The following TBC1D16 variants were observed in gnomAD, a reference collection of about 807,000 sequenced individuals.
TBC1D16 encodes the protein TBC1 domain family member 16.
In TBC1D16, 58 loss-of-function variants were observed where a neutral mutation model predicts 74.7. That is an observed-to-expected ratio of 0.78 (90% CI 0.63 to 0.97). The LOEUF is 0.97. Ranked by LOEUF, TBC1D16 falls within the 50% of genes least tolerant of loss-of-function variation. The probability of loss-of-function intolerance (pLI) is 0.00; values close to 1 mark genes in which losing one functional copy is unlikely to be tolerated. For synonymous variants in TBC1D16, 493 were observed against 474.7 expected (o/e 1.04, Z -0.50); for missense variants, 1,014 against 1,079.5 (o/e 0.94, Z 0.85).
chr17:80,017,013 G>C (rs901032154), intron 1 of TBC1D16, among the ~76,000 whole-genome samples: 2 of 152,036 alleles, frequency 1.3e-5, no homozygotes, highest in African/African-American at 2.4e-5. Flanking sequence ...CCTCAGCCTT[G>C]AGCCACAGAC....
At chr17:80,019,439 A>ACCCCC (rs71163907) in intron 1 of TBC1D16, among the ~76,000 whole-genome samples, 3 of 135,782 alleles carry the variant, frequency 2.2e-5, no homozygotes, top group African/African-American at 3.1e-5. Context: ...CACCAGGACA[A>ACCCCC]CCCCCCCCCG....
At chr17:79,965,979 G>A (rs2033823619) in intron 3 of TBC1D16, among the ~76,000 whole-genome samples, 1 of 152,210 alleles carries the variant, frequency 6.6e-6, no homozygotes, top group Admixed American at 6.5e-5. Context: ...CACCACAGCT[G>A]CATGGCTTAA....
At chr17:79,976,283 T>A in intron 3 of TBC1D16, among the ~76,000 whole-genome samples, 1 of 152,324 alleles carries the variant, frequency 6.6e-6, no homozygotes, top group Non-Finnish European at 1.5e-5. Flanking sequence ...TCCCAGGCTG[T>A]CTCTCTTGCA....
Position 80,010,905 on chromosome 17 carries a change from A to C in TBC1D16, c.182-148T>G. The C allele has an allele frequency of 2.1e-6, 1 of 471,766 alleles. No individual in the cohort carries two copies. The highest frequency in any genetic ancestry group is 3.6e-6 in the Non-Finnish European group (1 of 274,478). 29.2% of individuals were successfully genotyped at this position (471,766 alleles called of 1,614,324 possible). On this transcript the variant is annotated intron_variant, in intron 2 of 11. Transcript: ENST00000310924. This position sits in a 1 kb window ranked among gnomAD's most constrained non-coding sequence, Gnocchi z 8.8. ...AGATACAGCCTGGCCCTGAGCAAAA[A>C]CACTAGAGGGAAACTGTGGAGCTTG... is the stretch of plus-strand genomic sequence containing the variant.
At chr17:80,032,220 G>A (rs972032640) in intron 1 of TBC1D16, among the ~76,000 whole-genome samples, 1 of 152,194 alleles carries the variant, frequency 6.6e-6, no homozygotes, top group African/African-American at 2.4e-5. Flanking sequence ...AAAGACCACG[G>A]AGAAAATACT....
At chr17:80,016,688 G>C (rs913419739) in intron 1 of TBC1D16, among the ~76,000 whole-genome samples, 6 of 152,142 alleles carry the variant, frequency 3.9e-5, no homozygotes. Flanking sequence ...GCAGATGTCA[G>C]TGGTGATGGC....
chr17:80,006,588 A>T (rs895982734), intron 3 of TBC1D16, among the ~76,000 whole-genome samples: 5 of 152,130 alleles, frequency 3.3e-5, no homozygotes, highest in Non-Finnish European at 7.4e-5. Flanking sequence ...GAGCAAGGAA[A>T]GACCAGGGAA....
At position 80,013,276 on chromosome 17, in the gene TBC1D16, T is replaced by C. The variant is rs535037211; in HGVS notation, c.181+91A>G. 1.1e-3 allele frequency: 1,396 copies of C among 1,241,218 alleles called. 2 individuals are homozygous for C. The highest frequency in any genetic ancestry group is 1.4e-3 in the Non-Finnish European group (1,286 of 914,286). The allele number at this position is 1,241,218 out of a possible 1,614,324, so 76.9% of individuals were successfully genotyped here. On this transcript the variant is annotated intron_variant, in intron 2 of 11. Transcript: ENST00000310924. ...GTTCTGGAAGAGGAACCAAATGCAC[T>C]CTCACGTGCTGTGGCCCAGGGCCTT...
intron 9 of TBC1D16, among the ~76,000 whole-genome samples, chr17:79,946,046 G>A (rs775055843): frequency 2.0e-5 from 3 of 152,226 alleles, no homozygotes; most frequent in Non-Finnish European, 2.9e-5. Flanking sequence ...CCCTGTGCAG[G>A]TGCCTGCACC....
chr17:79,941,148 A>T lies in TBC1D16; in HGVS notation c.2056-41T>A. On this transcript the variant is annotated intron_variant, in intron 11 of 11. Transcript: ENST00000310924. The surrounding 1 kb of genome is among the most constrained non-coding windows in gnomAD (Gnocchi z 4.3). ...GGGGGGTGAGGAGGGGCCGGGGGAC[A>T]GCCTGGCAGCCTAGGGTCCCCATGG... is the stretch of plus-strand genomic sequence containing the variant. The T allele has an allele frequency of 6.6e-7, 1 of 1,512,372 alleles. No individual in the cohort carries two copies. Among genetic ancestry groups the T allele is most frequent in the Non-Finnish European group, 8.9e-7 (1 of 1,119,942 alleles). 93.7% of individuals were successfully genotyped at this position (1,512,372 alleles called of 1,614,324 possible).
At chr17:80,024,359 A>AAC in intron 1 of TBC1D16, among the ~76,000 whole-genome samples, 1 of 142,716 alleles carries the variant, frequency 7.0e-6, no homozygotes, top group South Asian at 2.2e-4. Flanking sequence ...TACCACACAC[A>AAC]ACACACACCA....
At chr17:79,951,771 C>A (rs1444137107) in intron 4 of TBC1D16, among the ~76,000 whole-genome samples, 174 bp from the exon 5 acceptor site, 1 of 152,204 alleles carries the variant, frequency 6.6e-6, no homozygotes, top group African/African-American at 2.4e-5. Flanking sequence ...ACAAAAACCA[C>A]CACCCCCTTT....
At chr17:79,998,855 A>T (rs9912769) in intron 3 of TBC1D16, among the ~76,000 whole-genome samples, 4,261 of 152,306 alleles carry the variant, frequency 0.028, 185 homozygotes, top group African/African-American at 0.094. Context: ...TGCAGGTTTC[A>T]TGTGAAGGAT....
At position 80,013,552 on chromosome 17, in the gene TBC1D16, G is replaced by A. The variant is rs61748841; in HGVS notation, c.-5C>T. 68 of 1,494,602 alleles carry A rather than the reference G, an allele frequency of 4.5e-5. No homozygotes were observed. In the African/African-American group the frequency reaches 6.6e-4, roughly 14 times the overall value. 92.6% of individuals were successfully genotyped at this position (1,494,602 alleles called of 1,614,324 possible). On this transcript the variant is annotated 5_prime_UTR_variant, in exon 2 of 12. Transcript: ENST00000310924. ...AAGGAGGCGGCCCAGAGACATTGCC[G>A]GGCAAGTGTTTCCATCCTCCGCATG...
chr17:79,951,470 C>G lies in TBC1D16; in HGVS notation c.1069G>C (p.Glu357Gln). 1.9e-6 allele frequency: 3 copies of G among 1,613,772 alleles called. No individual in the cohort carries two copies. The highest frequency in any genetic ancestry group is 2.5e-6 in the Non-Finnish European group (3 of 1,179,888). Residue 357 changes from glutamate to glutamine, a missense_variant, in exon 5 of 12, where the codon GAG (glutamate) becomes CAG (glutamine). Coordinates refer to ENST00000310924, the MANE Select transcript of TBC1D16 (RefSeq NM_019020.4). ...DVFQQWKYCTEMQLKDQQVAP... is the reference protein window; with the variant it reads ...DVFQQWKYCTQMQLKDQQVAP... ...GCTACCTGGTCTTTGAGCTGCATCT[C>G]GGTGCAGTATTTCCACTGCTGGAAC...
At chr17:79,978,312 A>G (rs917517546) in intron 3 of TBC1D16, among the ~76,000 whole-genome samples, 1 of 152,270 alleles carries the variant, frequency 6.6e-6, no homozygotes, top group Non-Finnish European at 1.5e-5. Flanking sequence ...AACTCTGCCG[A>G]TCTGCAACAT....
At chr17:79,967,319 G>A (rs1568596347) in intron 3 of TBC1D16, among the ~76,000 whole-genome samples, 1 of 152,026 alleles carries the variant, frequency 6.6e-6, no homozygotes, top group Non-Finnish European at 1.5e-5. Context: ...GGAAAAAAAG[G>A]AGTAAAACTA....
At chr17:80,031,830 C>G (rs887023819) in intron 1 of TBC1D16, among the ~76,000 whole-genome samples, 3 of 152,188 alleles carry the variant, frequency 2.0e-5, no homozygotes, top group Admixed American at 6.5e-5. Context: ...GAGTCTGGCT[C>G]AGGTACCTCC....
At position 80,035,106 on chromosome 17, in the gene TBC1D16, G is replaced by A. The variant is rs1222958605; in HGVS notation, c.-63+689C>T. Among the ~76,000 whole-genome samples the A allele has an allele frequency of 6.6e-6, 1 of 152,196 alleles. No individual in the cohort carries two copies. The highest frequency in any genetic ancestry group is 2.1e-4 in the South Asian group (1 of 4,834). Reference sequence around the variant, plus strand: ...ACTTTGTGGCCAATATACGACACCAGCTTCCGAGTGTGGGAATCACAGGAT... The same window carrying A: ...ACTTTGTGGCCAATATACGACACCAACTTCCGAGTGTGGGAATCACAGGAT... On this transcript the variant is annotated intron_variant, in intron 1 of 11. Transcript: ENST00000310924. This position sits in a 1 kb window ranked among gnomAD's most constrained non-coding sequence, Gnocchi z 5.3.
Sources: allele counts gnomAD v4.1 joint callset (sites outside exome capture counted in the v4.1 genomes callset), GRCh38; gene constraint gnomAD v4.1.1; non-coding constraint Gnocchi (gnomAD v3.1); transcripts MANE v1.5; gene names NCBI Gene and HGNC (gene_info 2026-07-23, HGNC 2026-07-21).